RAPGEF6: variants seen among roughly 807,000 people sequenced by gnomAD.
RAPGEF6 encodes Rap guanine nucleotide exchange factor 6, also known as PDZ domain containing guanine nucleotide exchange factor (GEF) 2.
RAPGEF6 carries 56 observed loss-of-function variants against 171.4 expected under a neutral mutation model. That is an observed-to-expected ratio of 0.33 (90% CI 0.26 to 0.41). RAPGEF6 has a LOEUF of 0.41. RAPGEF6 is among the 10% of genes least tolerant of loss of function. The pLI, the probability that RAPGEF6 is intolerant of heterozygous loss-of-function variation, is 1.00. For synonymous variants in RAPGEF6, 692 were observed against 650.1 expected (o/e 1.06, Z -0.98); for missense variants, 1,674 against 1,921.4 (o/e 0.87, Z 2.41).
chr5:131,552,770 G>C lies in RAPGEF6; in HGVS notation c.352-4580C>G, dbSNP rs986148183. Among the ~76,000 whole-genome samples the C allele has an allele frequency of 3.3e-5, 5 of 151,906 alleles. No individual in the cohort carries two copies. The South Asian group carries it at 8.3e-4, about 25-fold the overall frequency. On this transcript the variant is annotated intron_variant, in intron 5 of 27. Transcript: ENST00000509018. ...GCCACCACACCAGGCCAACAAAAAT[G>C]CAACTTTAACATAAACCTCAAAGTA...
At chr5:131,486,760 C>T (rs992904638) in intron 15 of RAPGEF6, among the ~76,000 whole-genome samples, 3 of 131,674 alleles carry the variant, frequency 2.3e-5, no homozygotes, top group South Asian at 4.7e-4. Context: ...GATAGAGTCT[C>T]GCTCTGTCCC....
intron 6 of RAPGEF6, among the ~76,000 whole-genome samples, chr5:131,528,134 TAA>T (rs1244366730): frequency 2.3e-5 from 2 of 85,906 alleles, no homozygotes. Context: ...ATATATTATA[TAA>T]TATATACTAT....
At chr5:131,570,457 A>G (rs1302827718) in intron 4 of RAPGEF6, among the ~76,000 whole-genome samples, 1 of 152,216 alleles carries the variant, frequency 6.6e-6, no homozygotes, top group African/African-American at 2.4e-5. Flanking sequence ...CTGCATATCT[A>G]TAATAAAGAA....
At chr5:131,566,659 GCTT>G (rs1430724833) in intron 4 of RAPGEF6, among the ~76,000 whole-genome samples, 2 of 151,550 alleles carry the variant, frequency 1.3e-5, no homozygotes, top group African/African-American at 2.4e-5. Context: ...ATGTAATAAT[GCTT>G]CTTATGTTTG....
chr5:131,504,331 G>A (rs553765849), intron 11 of RAPGEF6, among the ~76,000 whole-genome samples: 117 of 152,114 alleles, frequency 7.7e-4, no homozygotes, highest in South Asian at 6.2e-3. Flanking sequence ...GCATGGTGGT[G>A]CATGCCTGTA....
intron 23 of RAPGEF6, chr5:131,440,290 C>G: frequency 4.4e-6 from 2 of 454,274 alleles, no homozygotes; most frequent in South Asian, 1.6e-5. Flanking sequence ...GTATGCAGCA[C>G]AGTGGAACGA....
At chr5:131,518,542 C>A (rs537970882) in intron 7 of RAPGEF6, among the ~76,000 whole-genome samples, 26 of 151,980 alleles carry the variant, frequency 1.7e-4, no homozygotes, top group African/African-American at 6.3e-4. Context: ...GGATTACAGG[C>A]ATGCTCCATC....
At chr5:131,440,985 C>G (rs1014022232) in intron 23 of RAPGEF6, among the ~76,000 whole-genome samples, 10 of 152,188 alleles carry the variant, frequency 6.6e-5, no homozygotes, top group African/African-American at 2.4e-4. Context: ...TCTGAGCTCT[C>G]TATCTCCAGT....
chr5:131,526,823 C>A (rs1026256372), intron 6 of RAPGEF6, among the ~76,000 whole-genome samples: 42 of 152,286 alleles, frequency 2.8e-4, no homozygotes, highest in African/African-American at 1.0e-3. Flanking sequence ...TGCTGGAGAT[C>A]ACATGTCCAC....
chr5:131,611,409 C>T (rs1045446214), intron 1 of RAPGEF6, among the ~76,000 whole-genome samples: 2 of 152,176 alleles, frequency 1.3e-5, no homozygotes, highest in Non-Finnish European at 2.9e-5. Flanking sequence ...GTGGCTCACA[C>T]CTGTAATCCC....
rs933583648 is a variant in RAPGEF6 at position 131,425,448 on chromosome 5, C to T, written c.*1818G>A. The stretch of plus-strand genomic sequence containing the variant: ...TAATCATAGGACCACTGTTTATAGG[C>T]CAAATCACTGAAGTGTAACTTTCAA... On this transcript the variant is annotated 3_prime_UTR_variant, in exon 28 of 28. Transcript: ENST00000509018. The T allele has an allele frequency of 1.3e-5, 2 of 152,378 alleles. No individual in the cohort carries two copies. Among genetic ancestry groups the T allele is most frequent in the Admixed American group, 6.5e-5 (1 of 15,290 alleles). 9.4% of individuals were successfully genotyped at this position (152,378 alleles called of 1,614,324 possible).
chr5:131,561,940 C>T (rs768543588), intron 5 of RAPGEF6, 38 bp downstream of exon 5: 5 of 1,455,084 alleles, frequency 3.4e-6, no homozygotes, highest in Admixed American at 3.6e-5. Flanking sequence ...AAAACTGAAG[C>T]ATATCAAAAA....
intron 6 of RAPGEF6, among the ~76,000 whole-genome samples, chr5:131,522,961 T>C (rs1163715561): frequency 6.6e-6 from 1 of 152,190 alleles, no homozygotes; most frequent in African/African-American, 2.4e-5. Flanking sequence ...TCCAATCAAC[T>C]GTTGGAAGCA....
chr5:131,447,145 T>A (rs1752772809), intron 21 of RAPGEF6: 5 of 160,918 alleles, frequency 3.1e-5, no homozygotes, highest in Admixed American at 2.9e-4. Flanking sequence ...TTGTTCTGCT[T>A]TGGACATGCT....
chr5:131,613,444 C>CATAT (rs36091475), intron 1 of RAPGEF6, among the ~76,000 whole-genome samples: 187 of 149,366 alleles, frequency 1.3e-3, no homozygotes, highest in East Asian at 8.5e-3. Flanking sequence ...TCTCTCTCTT[C>CATAT]ATATATATAT....
chr5:131,430,573 AT>A (rs2149804747), intron 26 of RAPGEF6: 1 of 509,588 alleles, frequency 2.0e-6, no homozygotes, highest in Non-Finnish European at 3.7e-6. Flanking sequence ...ATGCGATGAT[AT>A]TCCTCAATAA....
rs368729692 is a variant in RAPGEF6, at chr5:131,529,899, C to T, written c.496-8378G>A. 6.2e-3 allele frequency among the ~76,000 whole-genome samples: 923 copies of T among 148,550 alleles called. 9 individuals carry two copies. The highest frequency in any genetic ancestry group is 0.022 in the African/African-American group (865 of 40,146). ...GGCAACAGAGCAGGGCCTTGTCTCC[C>T]TCTTTTTTTTTTTTTTTTTTTTTTT... On this transcript the variant is annotated intron_variant, in intron 6 of 27. Transcript: ENST00000509018.
chr5:131,509,534 C>A (rs1044018786), intron 8 of RAPGEF6, among the ~76,000 whole-genome samples: 12 of 146,716 alleles, frequency 8.2e-5, no homozygotes, highest in African/African-American at 3.0e-4. Flanking sequence ...CAGAGTGAGA[C>A]ACCGTCTCAA....
chr5:131,492,733 T>C lies in RAPGEF6; in HGVS notation c.1580A>G (p.Lys527Arg), dbSNP rs772653562. The C allele has an allele frequency of 1.2e-6, 2 of 1,614,112 alleles. No homozygotes were observed. The highest frequency in any genetic ancestry group is 1.7e-6 in the Non-Finnish European group (2 of 1,179,946). Reference protein sequence around the residue: ...LLNIACAAKAKWRQVVLQKAS... With the variant: ...LLNIACAAKARWRQVVLQKAS... ...CTTTTGCAGCACAACCTGTCTCCACTTAGCCTTTGCAGCACAGGCAATATT... is the reference window on the plus strand; with the variant it reads ...CTTTTGCAGCACAACCTGTCTCCACCTAGCCTTTGCAGCACAGGCAATATT... Residue 527 changes from lysine to arginine, a missense_variant, in exon 14 of 28, where the codon AAG becomes AGG. Lys to Arg is a conservative substitution (Grantham distance 26). Transcript: ENST00000509018.
Sources: allele counts gnomAD v4.1 joint callset (sites outside exome capture counted in the v4.1 genomes callset), GRCh38; gene constraint gnomAD v4.1.1; transcripts MANE v1.5; gene names NCBI Gene and HGNC (gene_info 2026-07-23, HGNC 2026-07-21).